Variants in TTC27 observed in about 807,000 individuals in gnomAD.
TTC27 encodes the protein tetratricopeptide repeat protein 27.
Under a neutral mutation model 115.9 loss-of-function variants are expected in TTC27, and 79 were observed. The observed-to-expected ratio is 0.68, with a 90% CI of 0.57 to 0.82. The LOEUF (loss-of-function observed/expected upper bound fraction) is 0.82, where lower values mean the gene tolerates loss of function less well. TTC27 is among the 40% of genes least tolerant of loss of function. TTC27 has a pLI of 0.00. For synonymous variants in TTC27, 401 were observed against 356.0 expected, an observed-to-expected ratio of 1.13 and a Z score of -1.42; for missense variants, 1,054 against 993.1, an observed-to-expected ratio of 1.06 and a Z score of -0.82.
intron 16 of TTC27, among the ~76,000 whole-genome samples, chr2:32,806,551 C>T (rs536600957): frequency 5.9e-5 from 9 of 152,172 alleles, no homozygotes; most frequent in South Asian, 4.2e-4. Flanking sequence ...GAGGCTGAGG[C>T]GGGCAGATCA....
rs188273694 is a variant in TTC27 at position 32,669,273 on chromosome 2, A to T, written c.939+2505A>T. Reference sequence around the variant, plus strand: ...TCCCAAAACTGTTGGGATTATAGGCATGAGCCACTGCACCGGCCAGAATTT... The same window carrying T: ...TCCCAAAACTGTTGGGATTATAGGCTTGAGCCACTGCACCGGCCAGAATTT... On this transcript the variant is annotated intron_variant, in intron 7 of 19. Transcript: ENST00000317907. Among the ~76,000 whole-genome samples the T allele has an allele frequency of 5.9e-5, 9 of 152,296 alleles. No individual in the cohort carries two copies. In the East Asian group the frequency reaches 1.6e-3, roughly 26 times the overall value.
At chr2:32,750,541 T>C (rs1668974423) in intron 12 of TTC27, among the ~76,000 whole-genome samples, 1 of 152,232 alleles carries the variant, frequency 6.6e-6, no homozygotes, top group Admixed American at 6.5e-5. Flanking sequence ...ATCCAGTACA[T>C]ATGACTATGC....
At chr2:32,656,863 G>T (rs1019085491) in intron 5 of TTC27, among the ~76,000 whole-genome samples, 1 of 152,030 alleles carries the variant, frequency 6.6e-6, no homozygotes, top group Non-Finnish European at 1.5e-5. Flanking sequence ...CAAACTAACT[G>T]CATATTGAAT....
chr2:32,754,895 C>G (rs1669160319), intron 12 of TTC27, among the ~76,000 whole-genome samples: 1 of 151,642 alleles, frequency 6.6e-6, no homozygotes, highest in Non-Finnish European at 1.5e-5. Flanking sequence ...CCACCTCCCT[C>G]CCGGACGGGG....
In TTC27 at chr2:32,664,367, G is replaced by C. The variant is rs1367690521; in HGVS notation, c.705G>C (p.Leu235=). Residue 235 remains leucine (L), a synonymous_variant, in exon 6 of 20, where the codon CTG becomes CTC. Transcript: ENST00000317907. ...SGRYLAIQFH[L]ECAYVFLYYY... is the part of the protein sequence containing the mutation. The stretch of plus-strand genomic sequence containing the variant: ...GATATTTGGCTATTCAATTCCATCT[G>C]GAATGTGCATATGTGTTTTTATATT... 6.2e-7 allele frequency: 1 copy of C among 1,612,106 alleles called. No individual in the cohort carries two copies. Among genetic ancestry groups the C allele is most frequent in the Non-Finnish European group, 8.5e-7 (1 of 1,179,100 alleles).
chr2:32,647,470 T>C (rs550098488), intron 4 of TTC27, among the ~76,000 whole-genome samples: 1 of 152,332 alleles, frequency 6.6e-6, no homozygotes, highest in African/African-American at 2.4e-5. Flanking sequence ...GAAATTTCTT[T>C]GCTATTAGAT....
intron 13 of TTC27, among the ~76,000 whole-genome samples, chr2:32,763,681 A>G (rs968046560): frequency 6.6e-6 from 1 of 152,240 alleles, no homozygotes; most frequent in Non-Finnish European, 1.5e-5. Flanking sequence ...AATAACAGGG[A>G]TGAGATGCAA....
chr2:32,642,575 G>A (rs1162005907), intron 4 of TTC27, among the ~76,000 whole-genome samples: 1 of 152,070 alleles, frequency 6.6e-6, no homozygotes, highest in African/African-American at 2.4e-5. Context: ...AAAAGAAGAG[G>A]TTAGAAGGGA....
intron 2 of TTC27, 99 bp from the exon 3 acceptor site, chr2:32,633,773 TGATA>T: frequency 7.5e-7 from 1 of 1,327,858 alleles, no homozygotes; most frequent in East Asian, 2.4e-5. Context: ...CAATAAATGT[TGATA>T]GATATTATTT....
At chr2:32,645,700 TC>T (rs919360109) in intron 4 of TTC27, among the ~76,000 whole-genome samples, 9 of 151,022 alleles carry the variant, frequency 6.0e-5, no homozygotes, top group Middle Eastern at 3.4e-3. Context: ...CCCTCCCGCC[TC>T]CCCCCAATTT....
intron 16 of TTC27, among the ~76,000 whole-genome samples, chr2:32,799,170 G>T (rs1465954251): frequency 1.3e-5 from 2 of 152,190 alleles, no homozygotes; most frequent in African/African-American, 4.8e-5. Context: ...CTTACATGAA[G>T]TACTTAGAGT....
At chr2:32,803,597 A>T (rs1671031947) in intron 16 of TTC27, among the ~76,000 whole-genome samples, 1 of 152,136 alleles carries the variant, frequency 6.6e-6, no homozygotes, top group South Asian at 2.1e-4. Flanking sequence ...TCTTTTTTCA[A>T]GCAAGGTTGA....
At position 32,811,179 on chromosome 2, in the gene TTC27, A is replaced by G; in HGVS notation, c.2154A>G (p.Val718=). Residue 718 remains valine (V), a synonymous_variant, in exon 17 of 20, where the codon GTA becomes GTG. Transcript: ENST00000317907. The stretch of plus-strand genomic sequence containing the variant: ...AAATCTGGAGGCTGTATGCCCACGT[A>G]TATGGAAATGGGCAGAGTGAAAAGC... ...DGEIWRLYAH[V]YGNGQSEKPD... The G allele has an allele frequency of 6.2e-7, 1 of 1,614,178 alleles. No homozygotes were observed. Among genetic ancestry groups the G allele is most frequent in the Non-Finnish European group, 8.5e-7 (1 of 1,180,010 alleles).
At chr2:32,805,202 A>G (rs1160646707) in intron 16 of TTC27, among the ~76,000 whole-genome samples, 1 of 152,204 alleles carries the variant, frequency 6.6e-6, no homozygotes, top group Non-Finnish European at 1.5e-5. Flanking sequence ...CAGTTTGTTC[A>G]TCTGCACAAT....
At chr2:32,643,416 C>G (rs1664730963) in intron 4 of TTC27, among the ~76,000 whole-genome samples, 1 of 152,014 alleles carries the variant, frequency 6.6e-6, no homozygotes, top group African/African-American at 2.4e-5. Context: ...AGTGATTCTC[C>G]TGCCTCAGCC....
intron 12 of TTC27, among the ~76,000 whole-genome samples, chr2:32,752,052 T>G (rs1669036701): frequency 6.6e-6 from 1 of 152,240 alleles, no homozygotes; most frequent in South Asian, 2.1e-4. Context: ...TGATTATCAC[T>G]GTGGCCATGC....
intron 12 of TTC27, among the ~76,000 whole-genome samples, chr2:32,747,960 A>G (rs1558322742): frequency 1.3e-5 from 2 of 151,466 alleles, no homozygotes; most frequent in Non-Finnish European, 2.9e-5. Context: ...TCTGTTTTTT[A>G]AATTTATACC....
intron 7 of TTC27, among the ~76,000 whole-genome samples, chr2:32,669,923 T>C (rs1665947546): frequency 6.6e-6 from 1 of 150,606 alleles, no homozygotes; most frequent in African/African-American, 2.4e-5. Context: ...AATGTTACAA[T>C]GTGAAAATAT....
chr2:32,644,355 A>AT (rs1664770145), intron 4 of TTC27, among the ~76,000 whole-genome samples: 1 of 151,716 alleles, frequency 6.6e-6, no homozygotes, highest in Admixed American at 6.6e-5. Context: ...TGTCTCCAAA[A>AT]AAAAAAAAAG....
Sources: gnomAD v4.1 joint callset for allele counts (sites outside exome capture counted in the v4.1 genomes callset) on GRCh38, gnomAD v4.1.1 for gene constraint, MANE v1.5 for transcripts, NCBI Gene and HGNC (gene_info 2026-07-23, HGNC 2026-07-21) for gene names.